MAU2: variants seen among roughly 807,000 people sequenced by gnomAD.
The protein encoded by MAU2 is MAU2 sister chromatid cohesion factor.
In MAU2, 9 loss-of-function variants were observed where a neutral mutation model predicts 89.1. The ratio of observed to expected loss-of-function variants is 0.10; its 90% CI spans 0.06 to 0.18. The LOEUF (loss-of-function observed/expected upper bound fraction) is 0.18. Among genes scored for constraint, MAU2 ranks in the 10% least tolerant of loss-of-function variants. The pLI is 1.00. For synonymous variants in MAU2, 357 were observed against 343.4 expected (o/e 1.04, Z -0.44); for missense variants, 425 against 803.5 (o/e 0.53, Z 5.69).
intron 14 of MAU2, 72 bp from the exon 15 acceptor site, chr19:19,349,083 G>A (rs2061720094): frequency 5.1e-6 from 8 of 1,579,466 alleles, no homozygotes; most frequent in Non-Finnish European, 6.9e-6. Flanking sequence ...ATAGCCCCCA[G>A]CTGCCCACTG....
intron 13 of MAU2, 74 bp from the exon 14 acceptor site, chr19:19,348,815 G>A (rs1242411484): frequency 6.7e-7 from 1 of 1,484,562 alleles, no homozygotes; most frequent in Non-Finnish European, 9.4e-7. Context: ...AAATTCCCAT[G>A]CACTGCAGTG....
At position 19,320,905 on chromosome 19, in the gene MAU2, G is replaced by T; in HGVS notation, c.46G>T (p.Ala16Ser). ...AGCGGCCCAGGCGGCGGCGGCCCAGGCTGCGCAGGCCGAGGCGGCCGACTC... is the reference window on the plus strand; with the variant it reads ...AGCGGCCCAGGCGGCGGCGGCCCAGTCTGCGCAGGCCGAGGCGGCCGACTC... ...AAAAQAAAAQ[A>S]AQAEAADSWY... Residue 16 changes from alanine to serine, a missense_variant, in exon 1 of 19, where the codon GCT becomes TCT. Physicochemically the swap from Ala to Ser is moderately conservative, Grantham distance 99. Around this residue, in one of 11 missense-constraint regions of MAU2, gnomAD observed 61 missense variants for 40.1 expected, o/e 1.52. Coordinates refer to ENST00000262815, the MANE Select transcript of MAU2 (RefSeq NM_015329.4). 1.3e-6 allele frequency: 2 copies of T among 1,548,418 alleles called. No homozygotes were observed. Among genetic ancestry groups the T allele is most frequent in the African/African-American group, 2.8e-5 (2 of 71,574 alleles).
intron 5 of MAU2, among the ~76,000 whole-genome samples, chr19:19,339,177 C>T (rs62135554): frequency 0.018 from 2,797 of 152,298 alleles, 43 homozygotes; most frequent in East Asian, 0.057. Context: ...GGTCCGGGCA[C>T]AGTGGCTTAC....
chr19:19,345,264 C>G lies in MAU2; in HGVS notation c.1156-40C>G. The G allele has an allele frequency of 6.3e-7, 1 of 1,588,084 alleles. No individual in the cohort carries two copies. Among genetic ancestry groups the G allele is most frequent in the Non-Finnish European group, 8.6e-7 (1 of 1,156,992 alleles). On this transcript the variant is annotated intron_variant, in intron 11 of 18. Coordinates refer to ENST00000262815, the MANE Select transcript of MAU2 (RefSeq NM_015329.4). The surrounding 1 kb of genome is among the most constrained non-coding windows in gnomAD (Gnocchi z 4.9). The stretch of plus-strand genomic sequence containing the variant: ...ACGTGTCTCTGATCTGAGCCCCCTC[C>G]CCAGGGGCCGGCCCTGATGACAACA...
chr19:19,335,846 G>A, intron 2 of MAU2, 111 bp downstream of exon 2: 11 of 1,263,772 alleles, frequency 8.7e-6, no homozygotes, highest in Middle Eastern at 1.9e-4. Flanking sequence ...GTTGAGGCTC[G>A]GCCCACAGAG....
chr19:19,336,298 TG>T, intron 3 of MAU2, 111 bp downstream of exon 3: 3 of 798,132 alleles, frequency 3.8e-6, no homozygotes, highest in Admixed American at 4.6e-5. Context: ...CGGCTTTTTT[TG>T]TTTTTTTGGT....
chr19:19,349,200 C>T lies in MAU2; in HGVS notation c.1404C>T (p.Phe468=), dbSNP rs1275828172. Residue 468 remains phenylalanine, a synonymous_variant, in exon 15 of 19, where the codon TTC becomes TTT. Transcript: ENST00000262815. ...RAAAFYVRGL[F]SFFQGRYNEA... is the part of the protein sequence containing the mutation. ...CCGCCTTCTATGTGCGTGGGCTCTT[C>T]TCCTTCTTCCAGGGACGCTACAACG... is the stretch of plus-strand genomic sequence containing the variant. 1.2e-6 allele frequency: 2 copies of T among 1,614,062 alleles called. No homozygotes were observed. Among genetic ancestry groups the T allele is most frequent in the Non-Finnish European group, 1.7e-6 (2 of 1,180,058 alleles).
intron 1 of MAU2, among the ~76,000 whole-genome samples, chr19:19,325,748 G>C (rs1300501887): frequency 1.3e-5 from 2 of 152,058 alleles, no homozygotes; most frequent in African/African-American, 2.4e-5. Flanking sequence ...CAAAATGCCG[G>C]GATTACAGGC....
chr19:19,338,025 C>G (rs941829688), intron 4 of MAU2, among the ~76,000 whole-genome samples: 1 of 152,242 alleles, frequency 6.6e-6, no homozygotes, highest in African/African-American at 2.4e-5. Flanking sequence ...CTTCCATGAC[C>G]CAGCCTGCCT....
intron 1 of MAU2, chr19:19,334,737 C>T (rs996026177): frequency 5.0e-5 from 19 of 377,272 alleles, no homozygotes; most frequent in African/African-American, 3.5e-4. Context: ...CCTCCCTGGC[C>T]CTCTGCCTTT....
chr19:19,321,887 C>T (rs1169954104), intron 1 of MAU2: 1 of 152,182 alleles, frequency 6.6e-6, no homozygotes, highest in Non-Finnish European at 1.5e-5. Context: ...TCCATCAGTC[C>T]ATCCTCTTCC....
rs909164415 is a variant in MAU2, at chr19:19,354,722, T to G, written c.1639+277T>G. 132 of 487,906 alleles carry G rather than the reference T, an allele frequency of 2.7e-4. 2 individuals are homozygous for G. In the South Asian group the frequency reaches 3.1e-3, roughly 11 times the overall value. 30.2% of individuals were successfully genotyped at this position (487,906 alleles called of 1,614,324 possible). On this transcript the variant is annotated intron_variant, in intron 17 of 18. Coordinates refer to ENST00000262815, the MANE Select transcript of MAU2 (RefSeq NM_015329.4). ...AGACTTGGGCTGTTAGCCGTGGCGC[T>G]CTCAGCCTTGCTTCTTCCCGGAAAG...
chr19:19,356,885 G>C lies in MAU2; in HGVS notation c.*1103G>C, dbSNP rs1056669815. Reference sequence around the variant, plus strand: ...ATCAGGAGGTGCCCCAGTGGTCACAGTGTGGCATTCCGAGTTGGGGCGGGT... The same window carrying C: ...ATCAGGAGGTGCCCCAGTGGTCACACTGTGGCATTCCGAGTTGGGGCGGGT... On this transcript the variant is annotated 3_prime_UTR_variant, in exon 19 of 19. Transcript: ENST00000262815. The C allele has an allele frequency of 1.3e-5, 2 of 152,300 alleles. No individual in the cohort carries two copies. The highest frequency in any genetic ancestry group is 2.4e-5 in the African/African-American group (1 of 41,462). 9.4% of individuals were successfully genotyped at this position (152,300 alleles called of 1,614,324 possible).
intron 1 of MAU2, among the ~76,000 whole-genome samples, chr19:19,331,363 G>A (rs541364852): frequency 1.1e-4 from 17 of 152,080 alleles, no homozygotes; most frequent in South Asian, 2.1e-4. Context: ...TTAGCCAGGC[G>A]TGGTGGCGGG....
chr19:19,333,820 C>T (rs955906184), intron 1 of MAU2, among the ~76,000 whole-genome samples: 1 of 152,240 alleles, frequency 6.6e-6, no homozygotes, highest in African/African-American at 2.4e-5. Context: ...CCAGGCTTAG[C>T]TGCAGGTGCC....
rs150156772 is a variant in MAU2, at chr19:19,332,370, C to T, written c.277-3348C>T. ...TTTTTTAGAGCGAGAGACAGGGTCT[C>T]GCTGTGTTGCCCAGGCCGGTCACAA... is the stretch of plus-strand genomic sequence containing the variant. On this transcript the variant is annotated intron_variant, in intron 1 of 18. Coordinates refer to ENST00000262815, the MANE Select transcript of MAU2 (RefSeq NM_015329.4). 9.0e-4 allele frequency among the ~76,000 whole-genome samples: 126 copies of T among 139,790 alleles called. 3 individuals carry two copies. The East Asian group carries it at 0.016, about 18-fold the overall frequency. The allele number at this position is 139,790 out of a possible 152,430, so 91.7% of individuals were successfully genotyped here. A position where few individuals can be genotyped will look rare whatever the true frequency, so the allele number is the denominator to read the frequency against.
At chr19:19,344,138 G>A (rs915691979) in intron 10 of MAU2, 198 bp downstream of exon 10, 39 of 571,990 alleles carry the variant, frequency 6.8e-5, no homozygotes, top group South Asian at 3.5e-4. Context: ...GAGGCCGGGC[G>A]CAGTGGCTCA....
At chr19:19,327,389 G>C (rs567039964) in intron 1 of MAU2, among the ~76,000 whole-genome samples, 83 of 151,408 alleles carry the variant, frequency 5.5e-4, no homozygotes, top group African/African-American at 2.0e-3. Flanking sequence ...GCAATGGCGC[G>C]ATCTCGGCTC....
At chr19:19,337,286 A>G in intron 4 of MAU2, 21 bp downstream of exon 4, 1 of 1,599,246 alleles carries the variant, frequency 6.3e-7, no homozygotes, top group Admixed American at 1.7e-5. Flanking sequence ...CGGCCCGGGA[A>G]CGAGGGTGCC....
Sources: allele counts gnomAD v4.1 joint callset (sites outside exome capture counted in the v4.1 genomes callset), GRCh38; gene constraint gnomAD v4.1.1; regional missense constraint gnomAD v4.1.1; non-coding constraint Gnocchi (gnomAD v3.1); transcripts MANE v1.5; gene names NCBI Gene and HGNC (gene_info 2026-07-23, HGNC 2026-07-21).